The following PARG variants were observed in gnomAD, a reference collection of about 807,000 sequenced individuals.
PARG encodes the protein mitochondrial poly(ADP-ribose) glycohydrolase.
PARG carries 35 observed loss-of-function variants against 113.0 expected under a neutral mutation model. The ratio of observed to expected loss-of-function variants is 0.31; its 90% CI spans 0.24 to 0.41. The LOEUF is 0.41. Ranked by LOEUF, PARG falls within the 10% of genes least tolerant of loss-of-function variation. PARG has a pLI of 1.00. For synonymous variants in PARG, 330 were observed against 409.9 expected (o/e 0.81, Z 2.36); for missense variants, 797 against 1,169.4 (o/e 0.68, Z 4.64).
At chr10:49,825,451 G>T (rs1249410168) in intron 16 of PARG, among the ~76,000 whole-genome samples, 2 of 152,138 alleles carry the variant, frequency 1.3e-5, no homozygotes, top group Non-Finnish European at 2.9e-5. Context: ...CTATCTGTAT[G>T]ACTCTAGGCT....
intron 15 of PARG, among the ~76,000 whole-genome samples, chr10:49,835,518 G>C (rs1449172126): frequency 6.6e-6 from 1 of 152,016 alleles, no homozygotes; most frequent in Admixed American, 6.6e-5. Context: ...GGTAATTTGG[G>C]AGTCCTGAAG....
At chr10:49,922,158 G>A (rs1424488515) in intron 6 of PARG, among the ~76,000 whole-genome samples, 178 bp downstream of exon 6, 4 of 152,164 alleles carry the variant, frequency 2.6e-5, no homozygotes, top group Non-Finnish European at 5.9e-5. Flanking sequence ...CAAGGCATTT[G>A]CAACTCTCAG....
At chr10:49,845,513 T>G (rs1260931824) in intron 13 of PARG, among the ~76,000 whole-genome samples, 9 of 152,164 alleles carry the variant, frequency 5.9e-5, no homozygotes, top group Non-Finnish European at 1.2e-4. Flanking sequence ...CAGAATGAAT[T>G]TCCTCTTCAG....
At chr10:49,908,956 C>T (rs1337147913) in intron 7 of PARG, among the ~76,000 whole-genome samples, 5 of 152,032 alleles carry the variant, frequency 3.3e-5, no homozygotes, top group African/African-American at 1.2e-4. Flanking sequence ...TGTTTATAGA[C>T]AGTTTATAGG....
At chr10:49,844,256 A>G (rs1178438329) in intron 13 of PARG, among the ~76,000 whole-genome samples, 1 of 152,220 alleles carries the variant, frequency 6.6e-6, no homozygotes, top group Non-Finnish European at 1.5e-5. Flanking sequence ...ATGGGAAAAT[A>G]AACATTTTTT....
At chr10:49,849,377 C>T (rs1554833804) in intron 13 of PARG, among the ~76,000 whole-genome samples, 1 of 150,690 alleles carries the variant, frequency 6.6e-6, no homozygotes, top group African/African-American at 2.4e-5. Flanking sequence ...GATATAGCAA[C>T]CAAAACAGGA....
At chr10:49,910,423 T>A (rs1554845947) in intron 7 of PARG, among the ~76,000 whole-genome samples, 1 of 152,176 alleles carries the variant, frequency 6.6e-6, no homozygotes, top group African/African-American at 2.4e-5. Context: ...CATTCTAAAG[T>A]CTAGGTTTTT....
rs1277843951 is a variant in PARG, at chr10:49,933,175, A to C, written c.1271+2T>G. ...GGAGAGATACTGCTGAGAGAAAATT[A>C]CCTTCTGTCCTCTGCTTTGGGCAGT... On this transcript the variant is annotated splice_donor_variant, in intron 3 of 17. Coordinates refer to ENST00000616448, the MANE Select transcript of PARG (RefSeq NM_003631.5). LOFTEE classifies it high-confidence loss of function. The C allele has an allele frequency of 1.3e-6, 2 of 1,564,254 alleles. No individual in the cohort carries two copies. The highest frequency in any genetic ancestry group is 1.7e-6 in the Non-Finnish European group (2 of 1,147,264).
chr10:49,873,940 C>A (rs1353282361), intron 9 of PARG, among the ~76,000 whole-genome samples: 2 of 148,094 alleles, frequency 1.4e-5, no homozygotes, highest in African/African-American at 2.5e-5. Flanking sequence ...TCTGGACTTA[C>A]AAATGGCTTT....
At chr10:49,900,374 C>G (rs1554843600) in intron 7 of PARG, among the ~76,000 whole-genome samples, 11 of 151,416 alleles carry the variant, frequency 7.3e-5, no homozygotes, top group Non-Finnish European at 1.6e-4. Flanking sequence ...ATCATGACTC[C>G]TAATTCCAAA....
At chr10:49,937,441 A>C (rs1431203582) in intron 1 of PARG, among the ~76,000 whole-genome samples, 1 of 150,928 alleles carries the variant, frequency 6.6e-6, no homozygotes, top group Non-Finnish European at 1.5e-5. Context: ...GCGCCACTGC[A>C]CTCCAGCCTG....
intron 6 of PARG, among the ~76,000 whole-genome samples, chr10:49,921,585 G>T (rs1321993237): frequency 2.0e-5 from 3 of 151,792 alleles, no homozygotes; most frequent in Non-Finnish European, 4.4e-5. Flanking sequence ...TAACTTGCAA[G>T]TATCAGTAGA....
intron 15 of PARG, 21 bp downstream of exon 15, chr10:49,841,929 C>G: frequency 6.9e-7 from 1 of 1,459,032 alleles, no homozygotes; most frequent in Non-Finnish European, 9.3e-7. Flanking sequence ...GCCAGATGAA[C>G]TAAGAAATAA....
Position 49,818,454 on chromosome 10 carries a change from C to G in PARG, c.*886G>C, listed in dbSNP as rs927431263. 6.6e-5 allele frequency: 10 copies of G among 152,436 alleles called. No homozygotes were observed. Among genetic ancestry groups the G allele is most frequent in the Admixed American group, 6.5e-4 (10 of 15,276 alleles). The allele number at this position is 152,436 out of a possible 1,614,324, so 9.4% of individuals were successfully genotyped here. A position where few individuals can be genotyped will look rare whatever the true frequency, so the allele number is the denominator to read the frequency against. Reference sequence around the variant, plus strand: ...TAACCTTTGAATACCAGAGAAACTTCAATATGTACAAATCAGCATGAAGTT... The same window carrying G: ...TAACCTTTGAATACCAGAGAAACTTGAATATGTACAAATCAGCATGAAGTT... On this transcript the variant is annotated 3_prime_UTR_variant, in exon 18 of 18. Transcript: ENST00000616448.
chr10:49,855,261 G>GA (rs1845931875), intron 13 of PARG, among the ~76,000 whole-genome samples: 1 of 99,530 alleles, frequency 1.0e-5, no homozygotes, highest in South Asian at 4.0e-4. Context: ...AGAGCAAGCA[G>GA]AAAAAACAAC....
At chr10:49,839,930 C>T (rs181921289) in intron 15 of PARG, among the ~76,000 whole-genome samples, 43 of 152,306 alleles carry the variant, frequency 2.8e-4, no homozygotes, top group Non-Finnish European at 5.0e-4. Context: ...TTCACATATA[C>T]GTGTTTAGGT....
intron 7 of PARG, among the ~76,000 whole-genome samples, chr10:49,888,767 A>G (rs1323311610): frequency 6.6e-6 from 1 of 152,132 alleles, no homozygotes; most frequent in African/African-American, 2.4e-5. Context: ...GACTTTTGTC[A>G]AATTTTGGAA....
rs183117778 is a variant in PARG, at chr10:49,825,377, C to T, written c.2648-5084G>A. 2.6e-3 allele frequency among the ~76,000 whole-genome samples: 400 copies of T among 152,260 alleles called. 1 individual carries two copies. Among genetic ancestry groups the T allele is most frequent in the Non-Finnish European group, 3.5e-3 (236 of 68,024 alleles). On this transcript the variant is annotated intron_variant, in intron 16 of 17. Transcript: ENST00000616448. ...CCAGATCCAGAGCCTGCAGCCAATACGGATTAAATAACAAAAGCACACAAG... is the reference window on the plus strand; with the variant it reads ...CCAGATCCAGAGCCTGCAGCCAATATGGATTAAATAACAAAAGCACACAAG...
intron 7 of PARG, among the ~76,000 whole-genome samples, chr10:49,892,033 G>A (rs1287981057): frequency 6.6e-6 from 1 of 151,880 alleles, no homozygotes; most frequent in Admixed American, 6.6e-5. Flanking sequence ...GCTCACACCT[G>A]CAATCCCAGC....
Sources: allele counts gnomAD v4.1 joint callset (sites outside exome capture counted in the v4.1 genomes callset), GRCh38; gene constraint gnomAD v4.1.1; transcripts MANE v1.5; gene names NCBI Gene and HGNC (gene_info 2026-07-23, HGNC 2026-07-21).